The following CAB39L variants were observed in gnomAD, a reference collection of about 807,000 sequenced individuals.
CAB39L encodes the protein calcium-binding protein 39-like.
A neutral mutation model predicts 39.1 loss-of-function variants in CAB39L; 23 were observed. That is an observed-to-expected ratio of 0.59 (90% CI 0.42 to 0.83). The LOEUF is 0.83. Ranked by LOEUF, CAB39L falls within the 40% of genes least tolerant of loss-of-function variation. CAB39L has a pLI of 0.00. For synonymous variants in CAB39L, 126 were observed against 137.2 expected (o/e 0.92, Z 0.57); for missense variants, 366 against 391.9 (o/e 0.93, Z 0.56).
At chr13:49,376,868 T>A (rs548277899) in intron 5 of CAB39L, 99 bp downstream of exon 5, 1 of 783,498 alleles carries the variant, frequency 1.3e-6, no homozygotes, top group African/African-American at 2.0e-5. Context: ...TGGAAAGCCA[T>A]AATGAAAAGC....
At chr13:49,345,441 C>T (rs545726175) in intron 7 of CAB39L, among the ~76,000 whole-genome samples, 2 of 152,128 alleles carry the variant, frequency 1.3e-5, no homozygotes, top group African/African-American at 4.8e-5. Context: ...TTTTTCCCCC[C>T]CAGTGGAGCA....
At chr13:49,397,716 A>G (rs1266121292) in intron 3 of CAB39L, among the ~76,000 whole-genome samples, 1 of 152,108 alleles carries the variant, frequency 6.6e-6, no homozygotes, top group African/African-American at 2.4e-5. Flanking sequence ...TTAGCTATTA[A>G]TAATTGTCAA....
chr13:49,413,591 T>C (rs969275478), intron 3 of CAB39L: 2 of 151,736 alleles, frequency 1.3e-5, no homozygotes, highest in African/African-American at 4.8e-5. Context: ...CATAGGGAAG[T>C]TTTTGAGGTG....
intron 5 of CAB39L, among the ~76,000 whole-genome samples, chr13:49,360,130 T>A (rs747225294): frequency 1.2e-4 from 18 of 152,160 alleles, no homozygotes; most frequent in Non-Finnish European, 2.4e-4. Flanking sequence ...CAGAACTGAA[T>A]TCTTTGTTTT....
At position 49,364,425 on chromosome 13, in the gene CAB39L, T is replaced by G. The variant is rs372671202; in HGVS notation, c.277-4593A>C. ...TTTACCACTGTTATTCAACATAATA[T>G]TGGAAGTCTTAGCCAGAGCAATCAA... is the stretch of plus-strand genomic sequence containing the variant. On this transcript the variant is annotated intron_variant, in intron 5 of 10. Coordinates refer to ENST00000409308, the MANE Select transcript of CAB39L (RefSeq NM_001079670.3). Among the ~76,000 whole-genome samples the G allele has an allele frequency of 1.4e-4, 22 of 152,288 alleles. No homozygotes were observed. In the South Asian group the frequency reaches 4.6e-3, roughly 32 times the overall value.
At chr13:49,328,156 C>T (rs1187369329) in intron 10 of CAB39L, among the ~76,000 whole-genome samples, 4 of 152,162 alleles carry the variant, frequency 2.6e-5, no homozygotes, top group Non-Finnish European at 5.9e-5. Flanking sequence ...TGAAGGGTAT[C>T]CACAGCTTCA....
At chr13:49,322,970 C>T (rs910522009) in intron 10 of CAB39L, among the ~76,000 whole-genome samples, 13 of 152,202 alleles carry the variant, frequency 8.5e-5, no homozygotes, top group African/African-American at 2.4e-4. Context: ...TCAAGTACCA[C>T]TGTTAAATTT....
rs1455667432 is a variant in CAB39L at position 49,339,728 on chromosome 13, A to G, written c.639T>C (p.Tyr213=). The G allele has an allele frequency of 1.3e-6, 2 of 1,583,470 alleles. No individual in the cohort carries two copies. ...AATTCTCAGACTGAAGCAATTTCTC[A>G]TAGTCTTCAAAAATCTAATGAAAAG... The part of the protein sequence containing the change: ...EQNYDTIFED[Y]EKLLQSENYV... The change falls in exon 9 of 11, where the codon TAT becomes TAC. Residue 213 remains tyrosine, a synonymous_variant. Coordinates refer to ENST00000409308, the MANE Select transcript of CAB39L (RefSeq NM_001079670.3).
rs1469441338 is a variant in CAB39L, at chr13:49,308,822, A to G, written c.*1992T>C. 6.6e-6 allele frequency: 1 copy of G among 152,472 alleles called. No individual in the cohort carries two copies. Among genetic ancestry groups the G allele is most frequent in the Non-Finnish European group, 1.5e-5 (1 of 68,014 alleles). The allele number at this position is 152,472 out of a possible 1,614,324, so 9.4% of individuals were successfully genotyped here. On this transcript the variant is annotated 3_prime_UTR_variant, in exon 11 of 11. Transcript: ENST00000409308. ...GCTCCCCCTTTCACATTAATAACTT[A>G]CAAATTCAGATCACAACAAAACCCC... is the stretch of plus-strand genomic sequence containing the variant.
At chr13:49,406,313 A>G (rs9535227) in intron 3 of CAB39L, among the ~76,000 whole-genome samples, 60,956 of 144,312 alleles carry the variant, frequency 0.42, 13,386 homozygotes, top group Middle Eastern at 0.54. Context: ...GATTACAGGC[A>G]TCCGCCACCA....
intron 3 of CAB39L, among the ~76,000 whole-genome samples, chr13:49,415,429 G>A (rs953682030): frequency 3.3e-4 from 50 of 151,388 alleles, no homozygotes; most frequent in African/African-American, 1.1e-3. Context: ...GCTGAGGCAG[G>A]AGAATCACTT....
At chr13:49,439,920 G>GGTT (rs1555268091) in intron 1 of CAB39L, among the ~76,000 whole-genome samples, 49 of 41,362 alleles carry the variant, frequency 1.2e-3, no homozygotes, top group Non-Finnish European at 2.2e-3. Flanking sequence ...CTTTTTAATG[G>GGTT]GTTTTTTTTT....
intron 3 of CAB39L, among the ~76,000 whole-genome samples, chr13:49,393,798 T>A (rs936893078): frequency 1.3e-4 from 20 of 152,016 alleles, no homozygotes; most frequent in East Asian, 1.9e-4. Context: ...TCCAAAAAAA[T>A]TTTTTTGGTA....
intron 1 of CAB39L, 24 bp downstream of exon 1, chr13:49,443,962 A>G: frequency 2.2e-6 from 1 of 456,672 alleles, no homozygotes; most frequent in Non-Finnish European, 4.4e-6. Flanking sequence ...CCAGCCACAC[A>G]CAAGATGGCA....
intron 4 of CAB39L, among the ~76,000 whole-genome samples, chr13:49,381,663 G>T (rs1956255768): frequency 6.6e-6 from 1 of 152,118 alleles, no homozygotes; most frequent in Admixed American, 6.5e-5. Context: ...TTTAAGAAAT[G>T]CATCTATACT....
intron 9 of CAB39L, among the ~76,000 whole-genome samples, chr13:49,334,174 T>C (rs1474151319): frequency 6.6e-6 from 1 of 152,164 alleles, no homozygotes; most frequent in African/African-American, 2.4e-5. Context: ...GCTGACCTAC[T>C]ACCACAGCAT....
At chr13:49,382,336 G>C (rs568567069) in intron 4 of CAB39L, among the ~76,000 whole-genome samples, 23 of 152,084 alleles carry the variant, frequency 1.5e-4, no homozygotes, top group Admixed American at 5.9e-4. Flanking sequence ...TAGATATCTT[G>C]AATCTTGCCA....
chr13:49,333,730 C>T (rs1954774903), intron 9 of CAB39L, among the ~76,000 whole-genome samples: 3 of 151,864 alleles, frequency 2.0e-5, no homozygotes, highest in Admixed American at 1.3e-4. Flanking sequence ...TGCCACCATG[C>T]CCGGCTAATT....
intron 3 of CAB39L, among the ~76,000 whole-genome samples, chr13:49,385,109 A>G (rs112986412): frequency 1.3e-5 from 2 of 152,350 alleles, no homozygotes; most frequent in African/African-American, 4.8e-5. Context: ...ATCTACACTG[A>G]AAATCTGTTG....
Sources: gnomAD v4.1 joint callset for allele counts (sites outside exome capture counted in the v4.1 genomes callset) on GRCh38, gnomAD v4.1.1 for gene constraint, MANE v1.5 for transcripts, NCBI Gene and HGNC (gene_info 2026-07-23, HGNC 2026-07-21) for gene names.